The following ZNF780B variants were observed in gnomAD, a reference collection of about 807,000 sequenced individuals.
The protein encoded by ZNF780B is zinc finger protein 779.
ZNF780B carries 52 observed loss-of-function variants against 74.1 expected under a neutral mutation model. The ratio of observed to expected loss-of-function variants is 0.70; its 90% CI spans 0.56 to 0.88. The LOEUF (loss-of-function observed/expected upper bound fraction) is 0.88. ZNF780B is among the 40% of genes least tolerant of loss of function. The pLI, the probability that ZNF780B is intolerant of heterozygous loss-of-function variation, is 0.00. For synonymous variants in ZNF780B, 315 were observed against 324.3 expected (o/e 0.97, Z 0.31); for missense variants, 953 against 1,007.6 (o/e 0.95, Z 0.73).
At chr19:40,043,011 T>C (rs1972727868) in intron 4 of ZNF780B, among the ~76,000 whole-genome samples, 1 of 152,156 alleles carries the variant, frequency 6.6e-6, no homozygotes, top group African/African-American at 2.4e-5. Flanking sequence ...TTCTGCTCTG[T>C]TTTTTCCCCA....
At chr19:40,041,658 T>TCC (rs1372956961) in intron 4 of ZNF780B, among the ~76,000 whole-genome samples, 2 of 152,206 alleles carry the variant, frequency 1.3e-5, no homozygotes, top group African/African-American at 4.8e-5. Context: ...TACCATTATG[T>TCC]AATGGCCTTC....
rs1972008731 is a variant in ZNF780B, at chr19:40,031,725, A to G, written c.*2632T>C. ...AGTGTCAGCCATATCACACAAGTTG[A>G]ATTATGTTGACGCTTTAATGGCATT... On this transcript the variant is annotated 3_prime_UTR_variant, in exon 5 of 5. Transcript: ENST00000434248. 4.5e-6 allele frequency: 1 copy of G among 222,428 alleles called. No homozygotes were observed. 13.8% of individuals were successfully genotyped at this position (222,428 alleles called of 1,614,324 possible).
chr19:40,035,393 G>A lies in ZNF780B; in HGVS notation c.1466C>T (p.Ala489Val). 1 of 1,613,820 alleles carries A rather than the reference G, an allele frequency of 6.2e-7. No individual in the cohort carries two copies. Among genetic ancestry groups the A allele is most frequent in the Non-Finnish European group, 8.5e-7 (1 of 1,179,934 alleles). The change falls in exon 5 of 5, where the codon GCT (alanine) becomes GTT (valine). Residue 489 changes from alanine to valine, a missense_variant. By Grantham distance (64) the Ala-to-Val change is moderately conservative. Coordinates refer to ENST00000434248, the MANE Select transcript of ZNF780B (RefSeq NM_001005851.3). ...ACCAGTATGAATGTTCTTATGTCGA[G>A]CAAGCTGTGTCAGAAGACTAAAGGC... Reference protein sequence around the residue: ...GKAFSLLTQLARHKNIHTGEK... With the variant: ...GKAFSLLTQLVRHKNIHTGEK...
chr19:40,054,834 C>T (rs1406381350), intron 1 of ZNF780B, among the ~76,000 whole-genome samples: 2 of 152,152 alleles, frequency 1.3e-5, no homozygotes, highest in Admixed American at 6.5e-5. Context: ...TATTCTTAAC[C>T]GCAACAGCGT....
rs537552760 is a variant in ZNF780B at position 40,034,088 on chromosome 19, C to G, written c.*269G>C. 9.6e-5 allele frequency: 50 copies of G among 521,450 alleles called. No homozygotes were observed. The highest frequency in any genetic ancestry group is 9.3e-4 in the African/African-American group (49 of 52,528). The allele number at this position is 521,450 out of a possible 1,614,324, so 32.3% of individuals were successfully genotyped here. A position where few individuals can be genotyped will look rare whatever the true frequency, so the allele number is the denominator to read the frequency against. On this transcript the variant is annotated 3_prime_UTR_variant, in exon 5 of 5. Coordinates refer to ENST00000434248, the MANE Select transcript of ZNF780B (RefSeq NM_001005851.3). Reference sequence around the variant, plus strand: ...TTACTGCTAAAGGCCTTTTCACATTCCTTACATTCATAGGGTTTCTCATCA... The same window carrying G: ...TTACTGCTAAAGGCCTTTTCACATTGCTTACATTCATAGGGTTTCTCATCA...
At chr19:40,052,169 A>T (rs1375797677) in intron 1 of ZNF780B, among the ~76,000 whole-genome samples, 1 of 152,172 alleles carries the variant, frequency 6.6e-6, no homozygotes, top group African/African-American at 2.4e-5. Flanking sequence ...TTCTAGACTA[A>T]GGTTTTTCAC....
At position 40,036,183 on chromosome 19, in the gene ZNF780B, A is replaced by G. The variant is rs756204807; in HGVS notation, c.676T>C (p.Cys226Arg). The G allele has an allele frequency of 6.2e-7, 1 of 1,613,514 alleles. No homozygotes were observed. Among genetic ancestry groups the G allele is most frequent in the South Asian group, 1.1e-5 (1 of 90,906 alleles). Residue 226 changes from cysteine to arginine, a missense_variant, in exon 5 of 5, where the codon TGT becomes CGT. Coordinates refer to ENST00000434248, the MANE Select transcript of ZNF780B (RefSeq NM_001005851.3). ...TGEKTFECKE[C>R]GKAFNLPTQL... ...GTGGGAAGATTAAAGGCTTTTCCAC[A>G]TTCCTTACATTCAAAAGTTTTCTCA...
intron 4 of ZNF780B, among the ~76,000 whole-genome samples, chr19:40,041,502 G>A (rs896574157): frequency 5.3e-5 from 8 of 152,116 alleles, no homozygotes; most frequent in African/African-American, 1.9e-4. Context: ...TGTTGACAGT[G>A]GGGTGTTAAA....
intron 1 of ZNF780B, 45 bp from the exon 2 acceptor site, chr19:40,050,422 C>T (rs933527244): frequency 3.6e-5 from 54 of 1,494,152 alleles, no homozygotes; most frequent in South Asian, 1.3e-4. Flanking sequence ...AAGCTGTGTC[C>T]GAAAGCACTA....
chr19:40,046,048 C>T (rs553608280), intron 4 of ZNF780B, among the ~76,000 whole-genome samples: 1 of 152,058 alleles, frequency 6.6e-6, no homozygotes, highest in South Asian at 2.1e-4. Flanking sequence ...AAAAAAAGAT[C>T]TCACAGAGGT....
intron 1 of ZNF780B, among the ~76,000 whole-genome samples, chr19:40,051,338 A>G (rs939153251): frequency 1.3e-5 from 2 of 152,176 alleles, no homozygotes; most frequent in African/African-American, 4.8e-5. Flanking sequence ...AAATTAGATG[A>G]AAGACATCTT....
chr19:40,035,957 T>C lies in ZNF780B; in HGVS notation c.902A>G (p.Asn301Ser). ...TTCCCTACATACAAAGGGTTTCTCATTGGAATGAATTTTTTGATGCTGAAT... is the reference window on the plus strand; with the variant it reads ...TTCCCTACATACAAAGGGTTTCTCACTGGAATGAATTTTTTGATGCTGAAT... ...NLIQHQKIHS[N>S]EKPFVCRECE... is the part of the protein sequence containing the mutation. Residue 301 changes from asparagine to serine, a missense_variant, in exon 5 of 5, where the codon AAT becomes AGT. Coordinates refer to ENST00000434248, the MANE Select transcript of ZNF780B (RefSeq NM_001005851.3). The C allele has an allele frequency of 3.1e-6, 5 of 1,613,810 alleles. No homozygotes were observed. The highest frequency in any genetic ancestry group is 2.2e-5 in the East Asian group (1 of 44,852).
chr19:40,047,492 T>C, intron 3 of ZNF780B, 22 bp from the exon 4 acceptor site: 1 of 1,545,294 alleles, frequency 6.5e-7, no homozygotes. Flanking sequence ...AAATAACACA[T>C]GTAGAATTTT....
intron 4 of ZNF780B, 62 bp downstream of exon 4, chr19:40,047,313 C>T (rs1972975142): frequency 7.0e-7 from 1 of 1,433,538 alleles, no homozygotes; most frequent in South Asian, 1.1e-5. Context: ...TGACTCCTCT[C>T]TGAGCACATG....
intron 4 of ZNF780B, among the ~76,000 whole-genome samples, chr19:40,044,120 C>CTT (rs1972815787): frequency 1.3e-5 from 2 of 152,072 alleles, no homozygotes; most frequent in Admixed American, 6.6e-5. Context: ...ATGAATAAAG[C>CTT]CACCGTAACA....
chr19:40,036,420 C>A lies in ZNF780B; in HGVS notation c.439G>T (p.Glu147Ter). Residue 147 changes from glutamate to a stop codon, truncating the protein, a stop_gained, in exon 5 of 5, where the codon GAA (glutamate) becomes TAA (stop). Transcript: ENST00000434248. LOFTEE classifies it high-confidence loss of function. ...GCATGAGTATAAGCAGGCATTTCTT[C>A]ATAGCTGATGATCTTCTGGTTGATA... ...GYINQKIISY[E>*]EMPAYTHASP... The A allele has an allele frequency of 6.2e-7, 1 of 1,608,958 alleles. No individual in the cohort carries two copies. Among genetic ancestry groups the A allele is most frequent in the Non-Finnish European group, 8.5e-7 (1 of 1,178,352 alleles).
intron 4 of ZNF780B, among the ~76,000 whole-genome samples, chr19:40,040,378 C>G (rs184103631): frequency 7.2e-5 from 11 of 151,916 alleles, no homozygotes; most frequent in Non-Finnish European, 1.5e-4. Flanking sequence ...TCTCTTTTTT[C>G]GTTGTGTCTC....
rs543897074 is a variant in ZNF780B, at chr19:40,041,369, G to T, written c.233-4743C>A. 5.6e-3 allele frequency among the ~76,000 whole-genome samples: 852 copies of T among 152,252 alleles called. 10 individuals carry two copies. Among genetic ancestry groups the T allele is most frequent in the African/African-American group, 0.019 (801 of 41,552 alleles). On this transcript the variant is annotated intron_variant, in intron 4 of 4. Coordinates refer to ENST00000434248, the MANE Select transcript of ZNF780B (RefSeq NM_001005851.3). The stretch of plus-strand genomic sequence containing the variant: ...AATAGGTGTGGTGTGGTGCTGAAAA[G>T]AATGTATATTCTGTTGATTTGGGGT...
At position 40,028,817 on chromosome 19, in the gene ZNF780B, C is replaced by T. The variant is rs1971942596; in HGVS notation, c.*5540G>A. 6.6e-6 allele frequency: 1 copy of T among 152,140 alleles called. No homozygotes were observed. The highest frequency in any genetic ancestry group is 1.5e-5 in the Non-Finnish European group (1 of 68,028). The allele number at this position is 152,140 out of a possible 1,614,324, so 9.4% of individuals were successfully genotyped here. On this transcript the variant is annotated 3_prime_UTR_variant, in exon 5 of 5. Transcript: ENST00000434248. ...AGAATAGTAAATAATTCTGGTTACC[C>T]TTCACCCAGATTTCTCAAATATTAA...
Sources: allele counts gnomAD v4.1 joint callset (sites outside exome capture counted in the v4.1 genomes callset), GRCh38; gene constraint gnomAD v4.1.1; transcripts MANE v1.5; gene names NCBI Gene and HGNC (gene_info 2026-07-23, HGNC 2026-07-21).